R3HDM1: variants seen among roughly 807,000 people sequenced by gnomAD.
R3HDM1 encodes the protein R3H domain containing 1, also known as R3H domain-containing protein 1.
Under a neutral mutation model 141.1 loss-of-function variants are expected in R3HDM1, and 46 were observed. The ratio of observed to expected loss-of-function variants is 0.33; its 90% CI spans 0.26 to 0.42. The LOEUF is 0.42. Ranked by LOEUF, R3HDM1 falls within the 10% of genes least tolerant of loss-of-function variation. R3HDM1 has a pLI of 1.00. For missense variants in R3HDM1, 1,184 were observed against 1,368.3 expected (o/e 0.87, Z 2.12); for synonymous variants, 435 against 472.9 (o/e 0.92, Z 1.04).
chr2:135,620,626 A>T (rs2061435696), intron 5 of R3HDM1: 1 of 979,554 alleles, frequency 1.0e-6, no homozygotes, highest in African/African-American at 1.8e-5. Context: ...TCTTGACTAT[A>T]GAACAACAGT....
At chr2:135,577,506 C>T (rs943463195) in intron 1 of R3HDM1, among the ~76,000 whole-genome samples, 2 of 147,186 alleles carry the variant, frequency 1.4e-5, no homozygotes, top group African/African-American at 2.5e-5. Context: ...ATGGACAACT[C>T]ACAAACAATG....
At chr2:135,555,748 C>T (rs138622892) in intron 1 of R3HDM1, among the ~76,000 whole-genome samples, 2 of 152,230 alleles carry the variant, frequency 1.3e-5, no homozygotes, top group Non-Finnish European at 1.5e-5. Flanking sequence ...AATGAAGGGC[C>T]AGGCGAGTGG....
At chr2:135,669,580 A>G (rs933014581) in intron 19 of R3HDM1, 1 of 985,230 alleles carries the variant, frequency 1.0e-6, no homozygotes. Flanking sequence ...TTACTGTAAT[A>G]CTTTTTCTTC....
chr2:135,643,804 C>T (rs1313238553), intron 15 of R3HDM1, among the ~76,000 whole-genome samples: 1 of 152,284 alleles, frequency 6.6e-6, no homozygotes, highest in East Asian at 1.9e-4. Flanking sequence ...AGATCATGTC[C>T]TTCACAGGAA....
At position 135,641,750 on chromosome 2, in the gene R3HDM1, A is replaced by C. The variant is rs2063809089; in HGVS notation, c.1434A>C (p.Ala478=). The change falls in exon 15 of 27, where the codon GCA becomes GCC. Residue 478 remains alanine, a synonymous_variant. Coordinates refer to ENST00000683871, the MANE Select transcript of R3HDM1 (RefSeq NM_001378107.1). ...TCTTTTTGCTTCCCTTGGAAGCGGC[A>C]GGCATACCACCTGGCAGTATTCTGA... The part of the protein sequence containing the change: ...TSFFLLPLEA[A]GIPPGSILIN... 6.2e-7 allele frequency: 1 copy of C among 1,614,012 alleles called. No homozygotes were observed.
At chr2:135,694,603 G>A (rs530956853) in intron 21 of R3HDM1, among the ~76,000 whole-genome samples, 7 of 152,316 alleles carry the variant, frequency 4.6e-5, no homozygotes, top group African/African-American at 1.7e-4. Flanking sequence ...AACAAAAGAA[G>A]TGAGTCTTAG....
chr2:135,632,197 A>G (rs2062777390), intron 9 of R3HDM1, among the ~76,000 whole-genome samples, 196 bp downstream of exon 9: 1 of 152,110 alleles, frequency 6.6e-6, no homozygotes, highest in African/African-American at 2.4e-5. Context: ...CAAATATGGC[A>G]TATGAATGAG....
intron 19 of R3HDM1, among the ~76,000 whole-genome samples, chr2:135,666,624 G>A (rs1034009200): frequency 2.0e-5 from 3 of 152,162 alleles, no homozygotes; most frequent in Non-Finnish European, 2.9e-5. Context: ...AAATAGCTGT[G>A]AGCAATAAAC....
chr2:135,563,559 A>G (rs1021327662), intron 1 of R3HDM1, among the ~76,000 whole-genome samples: 5 of 152,228 alleles, frequency 3.3e-5, no homozygotes, highest in African/African-American at 1.2e-4. Context: ...GTATAAAATC[A>G]TAACAACTAT....
At chr2:135,633,358 T>C (rs1025665982) in intron 9 of R3HDM1, among the ~76,000 whole-genome samples, 1 of 152,176 alleles carries the variant, frequency 6.6e-6, no homozygotes. Flanking sequence ...CAAGCACATA[T>C]ACATTAGCAG....
At chr2:135,699,505 A>G (rs1345186535) in intron 21 of R3HDM1, among the ~76,000 whole-genome samples, 1 of 151,052 alleles carries the variant, frequency 6.6e-6, no homozygotes, top group Non-Finnish European at 1.5e-5. Context: ...GTAAACGAGG[A>G]CAAGGAGAGT....
intron 1 of R3HDM1, among the ~76,000 whole-genome samples, chr2:135,544,494 A>G (rs1223482610): frequency 6.6e-6 from 1 of 152,184 alleles, no homozygotes; most frequent in Admixed American, 6.5e-5. Flanking sequence ...CCTTTTAACT[A>G]CAAATGTTAT....
intron 16 of R3HDM1, among the ~76,000 whole-genome samples, chr2:135,648,440 C>T (rs1235296891): frequency 6.6e-6 from 1 of 152,064 alleles, no homozygotes; most frequent in South Asian, 2.1e-4. Flanking sequence ...ATCTTAATTC[C>T]ATTAGTTTAT....
intron 5 of R3HDM1, among the ~76,000 whole-genome samples, chr2:135,621,287 A>G (rs546587996): frequency 6.6e-6 from 1 of 152,098 alleles, no homozygotes; most frequent in Admixed American, 6.5e-5. Context: ...GATATATTCA[A>G]CTCAGAACGT....
intron 3 of R3HDM1, chr2:135,607,701 G>A (rs981355272): frequency 1.9e-5 from 5 of 268,794 alleles, no homozygotes; most frequent in African/African-American, 9.2e-5. Context: ...ATTAATTTGG[G>A]TTATTGCATT....
At chr2:135,609,762 C>G (rs1333241600) in intron 3 of R3HDM1, among the ~76,000 whole-genome samples, 4 of 152,040 alleles carry the variant, frequency 2.6e-5, no homozygotes, top group Non-Finnish European at 5.9e-5. Flanking sequence ...CTAAATTAGC[C>G]TGGTGCGGTG....
intron 19 of R3HDM1, among the ~76,000 whole-genome samples, chr2:135,662,948 A>G (rs1559376560): frequency 6.6e-6 from 1 of 152,146 alleles, no homozygotes; most frequent in Non-Finnish European, 1.5e-5. Context: ...GTGACTAATT[A>G]ACTTAATTCA....
intron 21 of R3HDM1, among the ~76,000 whole-genome samples, chr2:135,706,244 G>A (rs907823316): frequency 6.6e-6 from 1 of 151,646 alleles, no homozygotes; most frequent in Non-Finnish European, 1.5e-5. Flanking sequence ...TCTACCTTAC[G>A]TAGAGAAGAG....
intron 1 of R3HDM1, among the ~76,000 whole-genome samples, chr2:135,596,108 C>T (rs1574186763): frequency 6.6e-6 from 1 of 152,274 alleles, no homozygotes; most frequent in East Asian, 1.9e-4. Context: ...CAGCGATTCT[C>T]CTGCCTCAGC....
Sources: allele counts gnomAD v4.1 joint callset (sites outside exome capture counted in the v4.1 genomes callset), GRCh38; gene constraint gnomAD v4.1.1; transcripts MANE v1.5; gene names NCBI Gene and HGNC (gene_info 2026-07-23, HGNC 2026-07-21).